FAM193A: variants seen among roughly 807,000 people sequenced by gnomAD.
FAM193A encodes protein FAM193A.
A neutral mutation model predicts 126.5 loss-of-function variants in FAM193A; 22 were observed. The ratio of observed to expected loss-of-function variants is 0.17; its 90% CI spans 0.12 to 0.25. FAM193A has a LOEUF of 0.25. FAM193A is among the 10% of genes least tolerant of loss of function. The probability of loss-of-function intolerance (pLI) is 1.00; values close to 1 mark genes in which losing one functional copy is unlikely to be tolerated. For synonymous variants in FAM193A, 761 were observed against 646.8 expected (o/e 1.18, Z -2.68); for missense variants, 1,675 against 1,672.8 (o/e 1.00, Z -0.02).
chr4:2,724,333 A>C (rs967406789), intron 20 of FAM193A, among the ~76,000 whole-genome samples: 1 of 152,084 alleles, frequency 6.6e-6, no homozygotes, highest in South Asian at 2.1e-4. Flanking sequence ...AATAACCTCT[A>C]AACTAGTCAA....
At chr4:2,682,997 T>C (rs1715327748) in intron 13 of FAM193A, among the ~76,000 whole-genome samples, 1 of 152,266 alleles carries the variant, frequency 6.6e-6, no homozygotes, top group Non-Finnish European at 1.5e-5. Flanking sequence ...GGAAATCTTT[T>C]GACATTTCTT....
chr4:2,639,689 G>A (rs370455460), intron 5 of FAM193A, 46 bp from the exon 6 acceptor site: 4 of 1,558,640 alleles, frequency 2.6e-6, no homozygotes, highest in Admixed American at 3.5e-5. Flanking sequence ...CTAGTCTTTA[G>A]CAATTCACTA....
At chr4:2,652,127 A>G (rs1041576191) in intron 7 of FAM193A, among the ~76,000 whole-genome samples, 2 of 152,062 alleles carry the variant, frequency 1.3e-5, no homozygotes, top group African/African-American at 4.8e-5. Flanking sequence ...TTTACCAGGG[A>G]TTTGCAGAGT....
chr4:2,685,966 T>C (rs1201976445), intron 13 of FAM193A, among the ~76,000 whole-genome samples: 1 of 152,234 alleles, frequency 6.6e-6, no homozygotes, highest in Non-Finnish European at 1.5e-5. Flanking sequence ...TGTGGGTTTG[T>C]ATAACGAGTG....
intron 2 of FAM193A, among the ~76,000 whole-genome samples, chr4:2,613,834 T>G (rs1214193968): frequency 6.6e-6 from 1 of 150,730 alleles, no homozygotes; most frequent in Non-Finnish European, 1.5e-5. Flanking sequence ...TGGCACAATC[T>G]TGGCTCACTG....
rs533647400 is a variant in FAM193A at position 2,635,624 on chromosome 4, C to T, written c.1039-4111C>T. On this transcript the variant is annotated intron_variant, in intron 5 of 20. Coordinates refer to ENST00000637812, the MANE Select transcript of FAM193A (RefSeq NM_001366318.2). ...CTTGGCTCACTGAAACCTCTGCCTC[C>T]CCAGTTCAAGCGATTCTCCTGCCCC... 2.6e-5 allele frequency among the ~76,000 whole-genome samples: 4 copies of T among 152,268 alleles called. No homozygotes were observed. The East Asian group carries it at 7.7e-4, about 29-fold the overall frequency.
At chr4:2,657,932 C>A in intron 8 of FAM193A, 52 bp downstream of exon 8, 1 of 1,205,466 alleles carries the variant, frequency 8.3e-7, no homozygotes, top group Non-Finnish European at 1.2e-6. Context: ...TCTGTCCTGA[C>A]AGCAAATGAC....
In FAM193A at chr4:2,693,614, G is replaced by T. The variant is rs775155797; in HGVS notation, c.2832G>T (p.Glu944Asp). The change falls in exon 16 of 21, where the codon GAG (glutamate) becomes GAT (aspartate). Residue 944 changes from glutamate to aspartate, a missense_variant. Transcript: ENST00000637812. ...VGDVFHGISK[E>D]DHRHSAPAAP... is the part of the protein sequence containing the mutation. ...ACGTGTTTCATGGCATCAGCAAGGAGGACCACAGACACTCGGCCCCAGCCG... is the reference window on the plus strand; with the variant it reads ...ACGTGTTTCATGGCATCAGCAAGGATGACCACAGACACTCGGCCCCAGCCG... 6.2e-7 allele frequency: 1 copy of T among 1,613,614 alleles called. No individual in the cohort carries two copies. The highest frequency in any genetic ancestry group is 2.2e-5 in the East Asian group (1 of 44,858).
chr4:2,602,874 ATT>A (rs1221787128), intron 2 of FAM193A, among the ~76,000 whole-genome samples: 1 of 133,042 alleles, frequency 7.5e-6, no homozygotes, highest in East Asian at 2.6e-4. Context: ...GTTAGCCAGG[ATT>A]GTCTGGATCT....
chr4:2,660,006 A>G lies in FAM193A; in HGVS notation c.1697A>G (p.Gln566Arg). 6.2e-7 allele frequency: 1 copy of G among 1,614,142 alleles called. No individual in the cohort carries two copies. The highest frequency in any genetic ancestry group is 8.5e-7 in the Non-Finnish European group (1 of 1,180,030). ...GGCTCCAGCTCTCCCATCACAATTCAGCAGCACCCCAGGCTCATCCTCACA... is the reference window on the plus strand; with the variant it reads ...GGCTCCAGCTCTCCCATCACAATTCGGCAGCACCCCAGGCTCATCCTCACA... The part of the protein sequence containing the change: ...GSGSSSPITI[Q>R]QHPRLILTDS... Residue 566 changes from glutamine to arginine, a missense_variant, in exon 10 of 21, where the codon CAG becomes CGG. Gln to Arg is a conservative substitution (Grantham distance 43, BLOSUM62 1). Coordinates refer to ENST00000637812, the MANE Select transcript of FAM193A (RefSeq NM_001366318.2).
In FAM193A at chr4:2,602,959, C is replaced by CTTTTTTTTTTTTTTTTTT. The variant is rs71178487; in HGVS notation, c.501+6640_501+6657dup. On this transcript the variant is annotated intron_variant, in intron 2 of 20. Coordinates refer to ENST00000637812, the MANE Select transcript of FAM193A (RefSeq NM_001366318.2). ...ACAAGTGTGAGCCACTGCACCCGGCCTTTTTTTTTTTTTTTTTTTTTTTTT... is the reference window on the plus strand; with the variant it reads ...ACAAGTGTGAGCCACTGCACCCGGCCTTTTTTTTTTTTTTTTTTTTTTTTTTTTTTTTTTTTTTTTTTT... Among the ~76,000 whole-genome samples, 2 of 42,292 alleles carry CTTTTTTTTTTTTTTTTTT rather than the reference C, an allele frequency of 4.7e-5. 1 individual carries two copies. Among genetic ancestry groups the CTTTTTTTTTTTTTTTTTT allele is most frequent in the African/African-American group, 2.3e-4 (2 of 8,674 alleles). The allele number at this position is 42,292 out of a possible 152,430, so 27.7% of individuals were successfully genotyped here.
intron 1 of FAM193A, among the ~76,000 whole-genome samples, chr4:2,541,389 C>T (rs1737223725): frequency 6.6e-6 from 1 of 151,614 alleles, no homozygotes; most frequent in Non-Finnish European, 1.5e-5. Flanking sequence ...TTTTCTGTTC[C>T]ATGTAATCTC....
intron 2 of FAM193A, among the ~76,000 whole-genome samples, chr4:2,600,448 A>T (rs946026726): frequency 3.9e-5 from 6 of 152,062 alleles, no homozygotes; most frequent in African/African-American, 1.4e-4. Context: ...TCCTCTTCAT[A>T]ACTTCATGAC....
At chr4:2,685,490 GA>G (rs1156948118) in intron 13 of FAM193A, among the ~76,000 whole-genome samples, 3 of 152,204 alleles carry the variant, frequency 2.0e-5, no homozygotes, top group Non-Finnish European at 4.4e-5. Context: ...TGTTCTTTTA[GA>G]GCTGAGATTC....
At chr4:2,726,357 A>C (rs1031647539) in intron 20 of FAM193A, among the ~76,000 whole-genome samples, 6 of 152,234 alleles carry the variant, frequency 3.9e-5, no homozygotes, top group African/African-American at 9.6e-5. Context: ...CAACTTTTGT[A>C]ATCACCTCCT....
At chr4:2,562,235 C>T (rs1402782633) in intron 1 of FAM193A, among the ~76,000 whole-genome samples, 1 of 152,064 alleles carries the variant, frequency 6.6e-6, no homozygotes, top group African/African-American at 2.4e-5. Flanking sequence ...ATTGCTTGAG[C>T]CCAGGAGCTT....
chr4:2,656,973 C>T (rs990814384), intron 7 of FAM193A, among the ~76,000 whole-genome samples: 3 of 152,150 alleles, frequency 2.0e-5, no homozygotes, highest in Non-Finnish European at 4.4e-5. Context: ...TCCAGACCAG[C>T]CTGGCCAACA....
At position 2,596,208 on chromosome 4, in the gene FAM193A, A is replaced by G. The variant is rs1427047327; in HGVS notation, c.380A>G (p.Lys127Arg). 1.4e-6 allele frequency: 1 copy of G among 702,984 alleles called. No homozygotes were observed. Among genetic ancestry groups the G allele is most frequent in the East Asian group, 2.7e-5 (1 of 37,288 alleles). The allele number at this position is 702,984 out of a possible 1,614,324, so 43.5% of individuals were successfully genotyped here. A position where few individuals can be genotyped will look rare whatever the true frequency, so the allele number is the denominator to read the frequency against. Residue 127 changes from lysine to arginine, a missense_variant, in exon 2 of 21, where the codon AAA (lysine) becomes AGA (arginine). Physicochemically the swap from Lys to Arg is conservative, Grantham distance 26. This residue lies in a region of FAM193A where 1,186 missense variants were observed against 1,109.2 expected (regional missense o/e 1.07). Coordinates refer to ENST00000637812, the MANE Select transcript of FAM193A (RefSeq NM_001366318.2). ...GAGAGTGGAATTAAGACTGCGAGCA[A>G]ATTGGCCCTTTCCATGGCTCCCAAG... The part of the protein sequence containing the change: ...FLESGIKTAS[K>R]LALSMAPKGN...
intron 17 of FAM193A, 96 bp from the exon 18 acceptor site, chr4:2,696,267 T>C (rs2109293676): frequency 2.6e-6 from 2 of 779,324 alleles, no homozygotes; most frequent in Non-Finnish European, 4.2e-6. Context: ...TATATACTAC[T>C]TGAGTAATAA....
Sources: allele counts gnomAD v4.1 joint callset (sites outside exome capture counted in the v4.1 genomes callset), GRCh38; gene constraint gnomAD v4.1.1; regional missense constraint gnomAD v4.1.1; transcripts MANE v1.5; gene names NCBI Gene and HGNC (gene_info 2026-07-23, HGNC 2026-07-21).